MSH4: variants seen among roughly 807,000 people sequenced by gnomAD.
MSH4 encodes the protein mutS homolog 4.
A neutral mutation model predicts 113.7 loss-of-function variants in MSH4; 106 were observed. The ratio of observed to expected loss-of-function variants is 0.93; its 90% CI spans 0.80 to 1.10. The LOEUF (loss-of-function observed/expected upper bound fraction) is 1.10. Among genes scored for constraint, MSH4 ranks in the 50% least tolerant of loss-of-function variants. The pLI is 0.00. For synonymous variants in MSH4, 368 were observed against 380.2 expected, an observed-to-expected ratio of 0.97 and a Z score of 0.37; for missense variants, 1,061 against 1,093.7, an observed-to-expected ratio of 0.97 and a Z score of 0.42.
At chr1:75,898,532 T>A in intron 18 of MSH4, among the ~76,000 whole-genome samples, 1 of 151,620 alleles carries the variant, frequency 6.6e-6, no homozygotes, top group African/African-American at 2.4e-5. Flanking sequence ...TTTTTTTTTT[T>A]TTTTGAGACA....
chr1:75,840,105 A>G (rs1447957435), intron 7 of MSH4, among the ~76,000 whole-genome samples: 15 of 152,142 alleles, frequency 9.9e-5, no homozygotes, highest in African/African-American at 2.9e-4. Context: ...GCAGAAGTCA[A>G]TGTGGCGATT....
chr1:75,833,573 G>T (rs1315334963), intron 7 of MSH4, among the ~76,000 whole-genome samples: 3 of 152,084 alleles, frequency 2.0e-5, no homozygotes, highest in African/African-American at 4.8e-5. Flanking sequence ...GCATGGCACT[G>T]GTACCAAAAC....
At chr1:75,799,080 A>G (rs552634872) in intron 1 of MSH4, among the ~76,000 whole-genome samples, 6 of 152,340 alleles carry the variant, frequency 3.9e-5, no homozygotes, top group Admixed American at 3.9e-4. Context: ...CTTTCTAACA[A>G]AACTGAGCTA....
At chr1:75,903,456 T>G (rs938267463) in intron 19 of MSH4, among the ~76,000 whole-genome samples, 1 of 152,102 alleles carries the variant, frequency 6.6e-6, no homozygotes, top group Non-Finnish European at 1.5e-5. Context: ...TAAAGTCAGA[T>G]AGCATGATGT....
At chr1:75,797,274 G>A (rs771461561) in intron 1 of MSH4, 45 bp downstream of exon 1, 79 of 1,566,800 alleles carry the variant, frequency 5.0e-5, no homozygotes, top group Non-Finnish European at 4.0e-5. Flanking sequence ...GCTAGAGGCC[G>A]GCAGTTCATG....
intron 8 of MSH4, among the ~76,000 whole-genome samples, chr1:75,854,011 GTGTATA>G (rs1159956877): frequency 1.8e-5 from 2 of 112,134 alleles, no homozygotes; most frequent in Non-Finnish European, 3.9e-5. Context: ...AAGTGTGTGT[GTGTATA>G]TATATATATA....
intron 9 of MSH4, among the ~76,000 whole-genome samples, chr1:75,868,112 T>G (rs1241199721): frequency 6.6e-6 from 1 of 152,142 alleles, no homozygotes; most frequent in Non-Finnish European, 1.5e-5. Flanking sequence ...ACTTTTTAAG[T>G]AGAATTTCCT....
intron 15 of MSH4, among the ~76,000 whole-genome samples, chr1:75,888,088 G>T (rs1295282602): frequency 6.7e-6 from 1 of 150,086 alleles, no homozygotes; most frequent in Non-Finnish European, 1.5e-5. Flanking sequence ...AATTACTACT[G>T]TTATGATTAT....
At chr1:75,824,789 G>T (rs1377634457) in intron 7 of MSH4, among the ~76,000 whole-genome samples, 1 of 151,894 alleles carries the variant, frequency 6.6e-6, no homozygotes, top group Non-Finnish European at 1.5e-5. Context: ...TTATTTCTCA[G>T]GTCTCTGTTC....
At chr1:75,844,314 C>G (rs1651031206) in intron 7 of MSH4, among the ~76,000 whole-genome samples, 1 of 152,038 alleles carries the variant, frequency 6.6e-6, no homozygotes, top group Non-Finnish European at 1.5e-5. Flanking sequence ...AAGTTTATTA[C>G]TTATTTATAT....
chr1:75,811,114 G>A (rs1000550396), intron 4 of MSH4, among the ~76,000 whole-genome samples: 1 of 151,902 alleles, frequency 6.6e-6, no homozygotes, highest in Non-Finnish European at 1.5e-5. Flanking sequence ...TCAAGTGATC[G>A]ATCTGCCTTG....
intron 18 of MSH4, among the ~76,000 whole-genome samples, chr1:75,899,123 T>A (rs1460796989): frequency 1.3e-5 from 2 of 152,140 alleles, no homozygotes; most frequent in East Asian, 3.9e-4. Context: ...TCTAAAAACA[T>A]GAGAATTATA....
chr1:75,802,623 A>G (rs1453874062), intron 1 of MSH4, among the ~76,000 whole-genome samples: 3 of 152,226 alleles, frequency 2.0e-5, no homozygotes, highest in Non-Finnish European at 4.4e-5. Context: ...ACTGAAGCCA[A>G]TTGAGTCTAA....
At chr1:75,839,068 A>C (rs1424895239) in intron 7 of MSH4, among the ~76,000 whole-genome samples, 3 of 152,170 alleles carry the variant, frequency 2.0e-5, no homozygotes, top group Non-Finnish European at 4.4e-5. Context: ...TATTCCCAAG[A>C]CAATACTGTT....
intron 16 of MSH4, among the ~76,000 whole-genome samples, chr1:75,889,820 G>A (rs756591720): frequency 2.6e-5 from 4 of 152,024 alleles, no homozygotes; most frequent in East Asian, 1.9e-4. Flanking sequence ...TTGAGCAAAC[G>A]TCAAGTAGGC....
In MSH4 at chr1:75,879,037, C is replaced by A; in HGVS notation, c.1586C>A (p.Thr529Lys). The change falls in exon 12 of 20, where the codon ACA (threonine) becomes AAA (lysine). Residue 529 changes from threonine (T) to lysine (K), a missense_variant. Physicochemically the swap from Thr to Lys is moderately conservative, Grantham distance 78. Coordinates refer to ENST00000263187, the MANE Select transcript of MSH4 (RefSeq NM_002440.4). ...GAAAAATATAGTCTACCTTTAAGGA[C>A]AAGTTTTAGCTCTGCTCGAGGATTT... ...LGEKYSLPLR[T>K]SFSSARGFFI... is the part of the protein sequence containing the mutation. 1 of 1,609,638 alleles carries A rather than the reference C, an allele frequency of 6.2e-7. No individual in the cohort carries two copies. Among genetic ancestry groups the A allele is most frequent in the Non-Finnish European group, 8.5e-7 (1 of 1,176,286 alleles).
Position 75,815,016 on chromosome 1 carries a change from T to C in MSH4, c.700-5T>C, listed in dbSNP as rs776421213. 13 of 1,532,724 alleles carry C rather than the reference T, an allele frequency of 8.5e-6. No individual in the cohort carries two copies. In the Admixed American group the frequency reaches 2.3e-4, roughly 27 times the overall value. 94.9% of individuals were successfully genotyped at this position (1,532,724 alleles called of 1,614,324 possible). A position where few individuals can be genotyped will look rare whatever the true frequency, so the allele number is the denominator to read the frequency against. On this transcript the variant is annotated splice_region_variant and splice_polypyrimidine_tract_variant and intron_variant, in intron 4 of 19. Transcript: ENST00000263187. ...CTTTATTTTGAAATTAAAACTTCTT[T>C]TCAGAATGTTAATTTCACTACTATC...
intron 9 of MSH4, among the ~76,000 whole-genome samples, chr1:75,872,852 A>G (rs1304184794): frequency 6.6e-6 from 1 of 152,214 alleles, no homozygotes; most frequent in Non-Finnish European, 1.5e-5. Context: ...TGAGTTTGCC[A>G]AGGTCATTGC....
intron 10 of MSH4, among the ~76,000 whole-genome samples, chr1:75,877,451 A>G (rs1302110692): frequency 6.6e-6 from 1 of 152,178 alleles, no homozygotes; most frequent in Non-Finnish European, 1.5e-5. Context: ...CTACTGGTTC[A>G]ATCCAGACCT....
Sources: allele counts gnomAD v4.1 joint callset (sites outside exome capture counted in the v4.1 genomes callset), GRCh38; gene constraint gnomAD v4.1.1; transcripts MANE v1.5; gene names NCBI Gene and HGNC (gene_info 2026-07-23, HGNC 2026-07-21).